ZNF385D: variants seen among roughly 807,000 people sequenced by gnomAD.
ZNF385D encodes the protein zinc finger protein 385D.
ZNF385D carries 15 observed loss-of-function variants against 35.8 expected under a neutral mutation model. The ratio of observed to expected loss-of-function variants is 0.42; its 90% confidence interval spans 0.28 to 0.64. The LOEUF is 0.64. Among genes scored for constraint, ZNF385D ranks in the 30% least tolerant of loss-of-function variants. The pLI is 0.23. For synonymous variants in ZNF385D, 212 were observed against 186.8 expected (o/e 1.13, Z -1.10); for missense variants, 474 against 494.6 (o/e 0.96, Z 0.39).
At chr3:21,921,423 G>C (rs576832648) in intron 3 of ZNF385D, among the ~76,000 whole-genome samples, 1 of 151,992 alleles carries the variant, frequency 6.6e-6, no homozygotes, top group African/African-American at 2.4e-5. Context: ...CCATTTGTTC[G>C]TGCACCTATG....
chr3:21,792,593 A>G (rs1458978858), intron 3 of ZNF385D, among the ~76,000 whole-genome samples: 1 of 152,118 alleles, frequency 6.6e-6, no homozygotes, highest in Non-Finnish European at 1.5e-5. Context: ...TTGAACTGCT[A>G]AAGACTTTCT....
At chr3:21,462,840 G>T (rs889087296) in intron 4 of ZNF385D, among the ~76,000 whole-genome samples, 6 of 152,190 alleles carry the variant, frequency 3.9e-5, no homozygotes, top group South Asian at 4.1e-4. Context: ...AAATTAGCTG[G>T]GCATGGTGGC....
At chr3:22,342,148 G>A (rs1471834012) in intron 2 of ZNF385D, among the ~76,000 whole-genome samples, 2 of 151,588 alleles carry the variant, frequency 1.3e-5, no homozygotes, top group African/African-American at 4.9e-5. Flanking sequence ...ATGGTGGCGG[G>A]AGCCTGTAGA....
In ZNF385D at chr3:21,921,934, C is replaced by A. The variant is rs1204002894; in HGVS notation, c.325+246883G>T. On this transcript the variant is annotated intron_variant, in intron 3 of 5. Coordinates refer to the ZNF385D transcript ENST00000494108. ...CAAGACATACGAAGAAGAGATGGTG[C>A]CAATCCTACTGAAACTATTTCAAAA... Among the ~76,000 whole-genome samples, 6 of 151,724 alleles carry A rather than the reference C, an allele frequency of 4.0e-5. 1 individual carries two copies. Among genetic ancestry groups the A allele is most frequent in the African/African-American group, 1.5e-4 (6 of 41,290 alleles).
chr3:22,198,175 AAAAT>A (rs1337366919), intron 2 of ZNF385D, among the ~76,000 whole-genome samples: 2 of 148,364 alleles, frequency 1.3e-5, no homozygotes, highest in African/African-American at 4.9e-5. Flanking sequence ...CAAGAGTGTC[AAAAT>A]AAACAAAGAA....
intron 1 of ZNF385D, among the ~76,000 whole-genome samples, chr3:21,669,576 A>G (rs565071686): frequency 9.8e-4 from 150 of 152,336 alleles, no homozygotes; most frequent in Middle Eastern, 3.4e-3. Flanking sequence ...ATTAATATGT[A>G]AATTTAGACA....
chr3:21,498,300 G>T (rs77899098), intron 4 of ZNF385D, among the ~76,000 whole-genome samples: 1 of 151,952 alleles, frequency 6.6e-6, no homozygotes, highest in African/African-American at 2.4e-5. Context: ...CATTCTGGAC[G>T]TAGGATCTGA....
intron 2 of ZNF385D, among the ~76,000 whole-genome samples, chr3:21,659,061 TCTC>T (rs895418138): frequency 6.6e-6 from 1 of 152,014 alleles, no homozygotes; most frequent in Non-Finnish European, 1.5e-5. Flanking sequence ...TTCTCCTTTT[TCTC>T]CTCCTCCTCA....
At chr3:22,056,138 G>T (rs1435277185) in intron 3 of ZNF385D, among the ~76,000 whole-genome samples, 1 of 11,154 alleles carries the variant, frequency 9.0e-5, no homozygotes, top group Non-Finnish European at 1.6e-4. Flanking sequence ...GTCGGGGGAG[G>T]GGGGAGGGAT....
At chr3:21,762,087 C>T (rs1306758754) in intron 3 of ZNF385D, among the ~76,000 whole-genome samples, 1 of 151,854 alleles carries the variant, frequency 6.6e-6, no homozygotes, top group Admixed American at 6.6e-5. Flanking sequence ...CCATATTGGC[C>T]AGGATGGTCT....
intron 3 of ZNF385D, among the ~76,000 whole-genome samples, chr3:22,161,694 T>A (rs1457001483): frequency 1.3e-5 from 2 of 152,196 alleles, no homozygotes; most frequent in African/African-American, 4.8e-5. Context: ...AATTATCAAA[T>A]GATCTATTTA....
chr3:22,000,438 A>G (rs1003774077), intron 3 of ZNF385D, among the ~76,000 whole-genome samples: 5 of 152,270 alleles, frequency 3.3e-5, no homozygotes, highest in South Asian at 2.1e-4. Context: ...AAGTTACCCT[A>G]TATGGTCTAA....
At chr3:22,242,767 A>C (rs1235820750) in intron 2 of ZNF385D, among the ~76,000 whole-genome samples, 1 of 151,192 alleles carries the variant, frequency 6.6e-6, no homozygotes, top group East Asian at 1.9e-4. Flanking sequence ...TACCAATTTT[A>C]ATATTTTAGT....
At chr3:21,699,979 A>C (rs1459779013) in intron 1 of ZNF385D, among the ~76,000 whole-genome samples, 1 of 151,716 alleles carries the variant, frequency 6.6e-6, no homozygotes, top group Admixed American at 6.6e-5. Context: ...TTACAGGTGC[A>C]TGCCACCATG....
intron 4 of ZNF385D, among the ~76,000 whole-genome samples, chr3:21,483,848 A>C (rs1160519488): frequency 1.3e-5 from 2 of 152,152 alleles, no homozygotes; most frequent in African/African-American, 4.8e-5. Context: ...TGAATTAAAA[A>C]ATTTTCTCCT....
intron 3 of ZNF385D, chr3:21,956,995 G>C (rs1410087077): frequency 6.6e-6 from 1 of 152,256 alleles, no homozygotes; most frequent in Non-Finnish European, 1.5e-5. Context: ...GGACCTGGGG[G>C]GTGTGGGGGC....
At chr3:22,179,536 G>A (rs1239241071) in intron 2 of ZNF385D, among the ~76,000 whole-genome samples, 1 of 152,200 alleles carries the variant, frequency 6.6e-6, no homozygotes, top group Non-Finnish European at 1.5e-5. Flanking sequence ...CTGCAAACAG[G>A]GACAATCTGA....
chr3:21,661,856 T>C (rs2066246718), intron 2 of ZNF385D, among the ~76,000 whole-genome samples: 1 of 152,178 alleles, frequency 6.6e-6, no homozygotes, highest in Admixed American at 6.5e-5. Flanking sequence ...TTATAGACGT[T>C]TCATTCTTGC....
intron 1 of ZNF385D, among the ~76,000 whole-genome samples, chr3:21,748,121 G>T (rs752872635): frequency 1.4e-4 from 22 of 152,124 alleles, no homozygotes; most frequent in Non-Finnish European, 2.6e-4. Flanking sequence ...CACAGCACAG[G>T]AAGTACAAAT....
Sources: gnomAD v4.1 joint callset for allele counts (sites outside exome capture counted in the v4.1 genomes callset) on GRCh38, gnomAD v4.1.1 for gene constraint, MANE v1.5 for transcripts, NCBI Gene and HGNC (gene_info 2026-07-23, HGNC 2026-07-21) for gene names.